Variants in THSD7B observed in about 807,000 individuals in gnomAD.
THSD7B encodes thrombospondin type 1 domain containing 7B, also known as thrombospondin type-1 domain-containing protein 7B.
THSD7B carries 138 observed loss-of-function variants against 213.6 expected under a neutral mutation model. The ratio of observed to expected loss-of-function variants is 0.65; its 90% CI spans 0.56 to 0.74. THSD7B has a LOEUF of 0.74. Among genes scored for constraint, THSD7B ranks in the 30% least tolerant of loss-of-function variants. THSD7B has a pLI of 0.00. For synonymous variants in THSD7B, 742 were observed against 687.0 expected (o/e 1.08, Z -1.25); for missense variants, 1,931 against 1,991.5 (o/e 0.97, Z 0.58).
At position 137,127,819 on chromosome 2, in the gene THSD7B, G is replaced by A. The variant is rs907016930; in HGVS notation, c.1369+12526G>A. ...TGTAATCCTAGCTATTCAGGAGGCT[G>A]AGGCAGGAGAATTGCTTGAACCCGG... On this transcript the variant is annotated intron_variant, in intron 5 of 27. Coordinates refer to ENST00000409968, the MANE Select transcript of THSD7B (RefSeq NM_001316349.2). Among the ~76,000 whole-genome samples, 3 of 152,126 alleles carry A rather than the reference G, an allele frequency of 2.0e-5. No individual in the cohort carries two copies. In the East Asian group the frequency reaches 5.8e-4, roughly 29 times the overall value.
At chr2:137,331,979 C>G (rs571200879) in intron 12 of THSD7B, among the ~76,000 whole-genome samples, 1 of 152,152 alleles carries the variant, frequency 6.6e-6, no homozygotes, top group Non-Finnish European at 1.5e-5. Context: ...GGTTCCCACT[C>G]GCGCCTCTCC....
chr2:137,354,992 T>C (rs755375104), intron 12 of THSD7B, among the ~76,000 whole-genome samples: 5 of 152,196 alleles, frequency 3.3e-5, no homozygotes, highest in Non-Finnish European at 5.9e-5. Context: ...CAGTCTAGCA[T>C]AGAAATGGCA....
chr2:136,890,321 T>TCTC (rs1558839809), intron 2 of THSD7B, among the ~76,000 whole-genome samples: 2 of 2,202 alleles, frequency 9.1e-4, no homozygotes, highest in African/African-American at 2.2e-3. Context: ...TTCTTCTTCT[T>TCTC]CTTCTTCTTC....
At chr2:137,193,524 A>G (rs1680700940) in intron 7 of THSD7B, among the ~76,000 whole-genome samples, 1 of 152,100 alleles carries the variant, frequency 6.6e-6, no homozygotes, top group Non-Finnish European at 1.5e-5. Flanking sequence ...GAAGATGGAA[A>G]CAGAAGTGAC....
chr2:137,097,525 T>C (rs1368754300), intron 4 of THSD7B, among the ~76,000 whole-genome samples: 2 of 152,204 alleles, frequency 1.3e-5, no homozygotes. Flanking sequence ...CTGACTTTCA[T>C]GATAGGCACA....
At chr2:136,863,466 CA>C (rs1348748663) in intron 1 of THSD7B, among the ~76,000 whole-genome samples, 1 of 152,212 alleles carries the variant, frequency 6.6e-6, no homozygotes, top group Admixed American at 6.5e-5. Flanking sequence ...GATCCTTTTG[CA>C]GTAGAGTCTA....
chr2:137,242,833 C>T lies in THSD7B; in HGVS notation c.2266+261C>T, dbSNP rs183051298. On this transcript the variant is annotated intron_variant, in intron 10 of 27. Coordinates refer to ENST00000409968, the MANE Select transcript of THSD7B (RefSeq NM_001316349.2). ...AGGAGTATTCATCTTCTACTGACCC[C>T]GTTGTGGCATTTTGAACAGTCATTC... 1.6e-4 allele frequency among the ~76,000 whole-genome samples: 25 copies of T among 152,232 alleles called. No individual in the cohort carries two copies. The East Asian group carries it at 2.7e-3, about 16-fold the overall frequency.
intron 27 of THSD7B, among the ~76,000 whole-genome samples, chr2:137,668,929 T>C (rs1235794418): frequency 1.3e-5 from 2 of 152,118 alleles, no homozygotes; most frequent in Admixed American, 6.6e-5. Flanking sequence ...GTTTGCCTTA[T>C]TGTCTCAGGG....
intron 2 of THSD7B, among the ~76,000 whole-genome samples, chr2:137,010,491 A>G (rs905890183): frequency 6.6e-5 from 10 of 152,194 alleles, no homozygotes; most frequent in South Asian, 6.2e-4. Context: ...ATTTTTTTCT[A>G]TATTGGAAGA....
intron 1 of THSD7B, among the ~76,000 whole-genome samples, chr2:136,865,404 T>C (rs1201591014): frequency 6.6e-6 from 1 of 152,194 alleles, no homozygotes; most frequent in African/African-American, 2.4e-5. Context: ...CAATTTGAGA[T>C]CCATGTCCTA....
In THSD7B at chr2:136,928,798, A is replaced by G. The variant is rs940694327; in HGVS notation, c.139+46481A>G. On this transcript the variant is annotated intron_variant, in intron 2 of 27. Transcript: ENST00000409968. Reference sequence around the variant, plus strand: ...AGTTTTAGGAGCTCATCTGAAATATATCTGCAGAGTGGGTTGATAGAAGAG... The same window carrying G: ...AGTTTTAGGAGCTCATCTGAAATATGTCTGCAGAGTGGGTTGATAGAAGAG... Among the ~76,000 whole-genome samples the G allele has an allele frequency of 7.1e-4, 108 of 152,288 alleles. 1 individual carries two copies. Among genetic ancestry groups the G allele is most frequent in the African/African-American group, 2.4e-3 (100 of 41,580 alleles).
chr2:136,813,567 A>G (rs554871355), intron 1 of THSD7B, among the ~76,000 whole-genome samples: 83 of 152,278 alleles, frequency 5.5e-4, no homozygotes, highest in African/African-American at 1.9e-3. Flanking sequence ...AACTCATACA[A>G]CTTTGAACTT....
chr2:137,282,068 G>T (rs1441803601), intron 12 of THSD7B, among the ~76,000 whole-genome samples: 1 of 151,416 alleles, frequency 6.6e-6, no homozygotes, highest in Non-Finnish European at 1.5e-5. Context: ...AGCACCTGTT[G>T]TTTCCTGACT....
At chr2:137,565,993 G>A (rs533886168) in intron 16 of THSD7B, among the ~76,000 whole-genome samples, 74 of 152,238 alleles carry the variant, frequency 4.9e-4, no homozygotes, top group African/African-American at 1.6e-3. Context: ...CTGTATGTAC[G>A]TAATTACTTT....
intron 21 of THSD7B, among the ~76,000 whole-genome samples, chr2:137,651,549 C>A (rs80313422): frequency 1.2e-3 from 182 of 151,728 alleles, no homozygotes; most frequent in Middle Eastern, 3.4e-3. Context: ...TATGGTGAGA[C>A]CACTTTGACT....
At chr2:137,262,021 C>G (rs923711538) in intron 10 of THSD7B, among the ~76,000 whole-genome samples, 3 of 151,682 alleles carry the variant, frequency 2.0e-5, no homozygotes, top group African/African-American at 7.3e-5. Context: ...TGATACACTT[C>G]ACTGTCCTGT....
chr2:136,798,883 T>C (rs1185162907), intron 1 of THSD7B, among the ~76,000 whole-genome samples: 1 of 152,040 alleles, frequency 6.6e-6, no homozygotes, highest in Non-Finnish European at 1.5e-5. Flanking sequence ...AGCAATGCTT[T>C]CTTTTTGGTT....
At position 137,179,143 on chromosome 2, in the gene THSD7B, G is replaced by A. The variant is rs957974833; in HGVS notation, c.1723+8205G>A. Among the ~76,000 whole-genome samples the A allele has an allele frequency of 3.3e-5, 5 of 152,128 alleles. No homozygotes were observed. In the East Asian group the frequency reaches 5.8e-4, roughly 18 times the overall value. ...ACTGATATTTCAAAATGTAGCTCAT[G>A]TGATTAAATGGTCAACCCAACCTTT... On this transcript the variant is annotated intron_variant, in intron 7 of 27. Coordinates refer to ENST00000409968, the MANE Select transcript of THSD7B (RefSeq NM_001316349.2).
At chr2:136,880,378 C>G (rs1376240977) in intron 1 of THSD7B, among the ~76,000 whole-genome samples, 2 of 152,142 alleles carry the variant, frequency 1.3e-5, no homozygotes, top group African/African-American at 4.8e-5. Context: ...CCCCTTTTTA[C>G]TGTTCAATCT....
Sources: allele counts gnomAD v4.1 joint callset (sites outside exome capture counted in the v4.1 genomes callset), GRCh38; gene constraint gnomAD v4.1.1; transcripts MANE v1.5; gene names NCBI Gene and HGNC (gene_info 2026-07-23, HGNC 2026-07-21).